Variants in MAP1B observed in about 807,000 individuals in gnomAD.
MAP1B encodes microtubule-associated protein 1B.
MAP1B carries 12 observed loss-of-function variants against 176.1 expected under a neutral mutation model. The ratio of observed to expected loss-of-function variants is 0.07; its 90% CI spans 0.04 to 0.11. The LOEUF is 0.11. Ranked by LOEUF, MAP1B falls within the 10% of genes least tolerant of loss-of-function variation. The pLI, the probability that MAP1B is intolerant of heterozygous loss-of-function variation, is 1.00. For synonymous variants in MAP1B, 1,044 were observed against 1,135.0 expected, an observed-to-expected ratio of 0.92 and a Z score of 1.61; for missense variants, 2,523 against 2,990.5, an observed-to-expected ratio of 0.84 and a Z score of 3.65.
chr5:72,156,423 G>C (rs4301216), intron 2 of MAP1B, among the ~76,000 whole-genome samples: 1 of 152,146 alleles, frequency 6.6e-6, no homozygotes, highest in Non-Finnish European at 1.5e-5. Context: ...CTCTTAAAAC[G>C]TAAACAAAAA....
rs367935916 is a variant in MAP1B at position 72,124,444 on chromosome 5, C to A, written c.286+8645C>A. ...ATGCTTATAGAAAATGCAACAAGAG[C>A]GTCTACATGTGATTTAAAAATAAAA... is the stretch of plus-strand genomic sequence containing the variant. On this transcript the variant is annotated intron_variant, in intron 2 of 6. Coordinates refer to ENST00000296755, the MANE Select transcript of MAP1B (RefSeq NM_005909.5). 3.3e-5 allele frequency among the ~76,000 whole-genome samples: 5 copies of A among 152,220 alleles called. No individual in the cohort carries two copies. In the East Asian group the frequency reaches 9.6e-4, roughly 29 times the overall value.
At chr5:72,146,200 C>A (rs938328596) in intron 2 of MAP1B, among the ~76,000 whole-genome samples, 2 of 152,194 alleles carry the variant, frequency 1.3e-5, no homozygotes, top group Non-Finnish European at 2.9e-5. Flanking sequence ...CAGCATGACA[C>A]CAGAACCAAA....
chr5:72,173,079 G>A (rs192382048), intron 2 of MAP1B, among the ~76,000 whole-genome samples: 4 of 152,286 alleles, frequency 2.6e-5, no homozygotes, highest in East Asian at 1.9e-4. Context: ...GCCCTGTGCC[G>A]CCTTTGCCTC....
chr5:72,199,678 A>G lies in MAP1B; in HGVS notation c.6323A>G (p.Glu2108Gly). 2 of 1,614,130 alleles carry G rather than the reference A, an allele frequency of 1.2e-6. No homozygotes were observed. The highest frequency in any genetic ancestry group is 1.7e-6 in the Non-Finnish European group (2 of 1,180,030). ...TCTTTCATTAATCCCAATCCTCTTG[A>G]GTGGTTTGCCAGTGAAGAACCCACT... ...SPSFINPNPL[E>G]WFASEEPTEE... Residue 2108 changes from glutamate to glycine, a missense_variant, in exon 5 of 7, where the codon GAG becomes GGG. Physicochemically the swap from Glu to Gly is moderately conservative, Grantham distance 98. This residue lies in a region of MAP1B where 1,925 missense variants were observed against 2,126.0 expected (regional missense o/e 0.91). Coordinates refer to ENST00000296755, the MANE Select transcript of MAP1B (RefSeq NM_005909.5). This position sits in a 1 kb window ranked among gnomAD's most constrained non-coding sequence, Gnocchi z 4.2.
intron 2 of MAP1B, among the ~76,000 whole-genome samples, chr5:72,127,383 G>C (rs1021965342): frequency 2.0e-5 from 3 of 152,166 alleles, no homozygotes; most frequent in African/African-American, 7.2e-5. Context: ...AAGGAAAAGT[G>C]ATTTTTGTGG....
Position 72,196,119 on chromosome 5 carries a change from G to A in MAP1B, c.2764G>A (p.Asp922Asn), listed in dbSNP as rs773432814. ...LEPVEKQGVD[D>N]IEKFEDEGAG... ...GCCCGTCGAGAAGCAGGGAGTAGAC[G>A]ACATTGAAAAATTTGAAGATGAAGG... Residue 922 changes from aspartate (D) to asparagine (N), a missense_variant, in exon 5 of 7, where the codon GAC becomes AAC. Physicochemically the swap from Asp to Asn is conservative, Grantham distance 23. Around this residue, in one of 4 missense-constraint regions of MAP1B, gnomAD observed 1,925 missense variants for 2,126.0 expected, o/e 0.91. Coordinates refer to ENST00000296755, the MANE Select transcript of MAP1B (RefSeq NM_005909.5). The surrounding 1 kb of genome is among the most constrained non-coding windows in gnomAD (Gnocchi z 5.3). 42 of 1,613,690 alleles carry A rather than the reference G, an allele frequency of 2.6e-5. No individual in the cohort carries two copies. The South Asian group carries it at 3.3e-4, about 13-fold the overall frequency.
At chr5:72,173,508 T>A (rs1385518145) in intron 2 of MAP1B, among the ~76,000 whole-genome samples, 1 of 152,220 alleles carries the variant, frequency 6.6e-6, no homozygotes, top group Non-Finnish European at 1.5e-5. Flanking sequence ...GTCTGAAACC[T>A]ACTCTAGTCT....
chr5:72,110,645 A>G (rs1295809454), intron 1 of MAP1B, among the ~76,000 whole-genome samples: 3 of 152,116 alleles, frequency 2.0e-5, no homozygotes, highest in Non-Finnish European at 4.4e-5. Flanking sequence ...GAGCTGCTCC[A>G]GGGGGGCCAG....
At chr5:72,141,057 G>A (rs1018930065) in intron 2 of MAP1B, among the ~76,000 whole-genome samples, 1 of 152,120 alleles carries the variant, frequency 6.6e-6, no homozygotes, top group African/African-American at 2.4e-5. Flanking sequence ...GCTTTTTTTG[G>A]TGTCTGTGTC....
intron 4 of MAP1B, among the ~76,000 whole-genome samples, chr5:72,191,918 A>C (rs1468718581): frequency 1.3e-5 from 2 of 152,168 alleles, no homozygotes; most frequent in Non-Finnish European, 2.9e-5. Flanking sequence ...GATATTCCTT[A>C]AGTCTTTCTA....
chr5:72,180,269 C>T (rs190451494), intron 2 of MAP1B, among the ~76,000 whole-genome samples: 30 of 152,302 alleles, frequency 2.0e-4, no homozygotes, highest in African/African-American at 5.8e-4. Context: ...CAGTCATACC[C>T]GGACACTGCA....
In MAP1B at chr5:72,196,612, A is replaced by T. The variant is rs1747176903; in HGVS notation, c.3257A>T (p.His1086Leu). 3 of 1,613,942 alleles carry T rather than the reference A, an allele frequency of 1.9e-6. No homozygotes were observed. The highest frequency in any genetic ancestry group is 3.3e-5 in the Admixed American group (2 of 60,002). ...GGCCGAGAACCTGCATCTTCAATTCATGATGAGACTTTACCTGGAGGCTCA... is the reference window on the plus strand; with the variant it reads ...GGCCGAGAACCTGCATCTTCAATTCTTGATGAGACTTTACCTGGAGGCTCA... ...SPGREPASSI[H>L]DETLPGGSES... is the part of the protein sequence containing the mutation. The change falls in exon 5 of 7, where the codon CAT becomes CTT. Residue 1086 changes from histidine to leucine, a missense_variant. Coordinates refer to ENST00000296755, the MANE Select transcript of MAP1B (RefSeq NM_005909.5). This position sits in a 1 kb window ranked among gnomAD's most constrained non-coding sequence, Gnocchi z 5.3.
At chr5:72,141,177 C>A (rs2112153749) in intron 2 of MAP1B, among the ~76,000 whole-genome samples, 1 of 152,318 alleles carries the variant, frequency 6.6e-6, no homozygotes, top group East Asian at 1.9e-4. Context: ...CTTTACTCCT[C>A]TCCTGCCCTC....
intron 2 of MAP1B, among the ~76,000 whole-genome samples, chr5:72,177,073 C>A (rs767553283): frequency 2.0e-5 from 3 of 152,318 alleles, no homozygotes; most frequent in African/African-American, 7.2e-5. Context: ...ACCAAGTCTC[C>A]TACCACCTTT....
At position 72,197,946 on chromosome 5, in the gene MAP1B, G is replaced by T. The variant is rs1210151612; in HGVS notation, c.4591G>T (p.Ala1531Ser). The change falls in exon 5 of 7, where the codon GCT becomes TCT. Residue 1531 changes from alanine to serine, a missense_variant. By Grantham distance (99) the Ala-to-Ser change is moderately conservative. Transcript: ENST00000296755. ...ISEGTVSDKSATPVDEGVAED... is the reference protein window; with the variant it reads ...ISEGTVSDKSSTPVDEGVAED... ...TGAAGGTACTGTCTCAGACAAGTCAGCTACTCCTGTTGATGAGGGCGTAGC... is the reference window on the plus strand; with the variant it reads ...TGAAGGTACTGTCTCAGACAAGTCATCTACTCCTGTTGATGAGGGCGTAGC... 1 of 1,614,224 alleles carries T rather than the reference G, an allele frequency of 6.2e-7. No homozygotes were observed. Among genetic ancestry groups the T allele is most frequent in the Non-Finnish European group, 8.5e-7 (1 of 1,180,052 alleles).
chr5:72,146,442 C>T (rs1426700595), intron 2 of MAP1B, among the ~76,000 whole-genome samples: 1 of 152,188 alleles, frequency 6.6e-6, no homozygotes, highest in Non-Finnish European at 1.5e-5. Context: ...CTGCGTTGAT[C>T]TTCATGAGGG....
Position 72,203,568 on chromosome 5 carries a change from G to A in MAP1B, c.7018G>A (p.Gly2340Arg). 6.2e-7 allele frequency: 1 copy of A among 1,613,218 alleles called. No individual in the cohort carries two copies. Among genetic ancestry groups the A allele is most frequent in the Non-Finnish European group, 8.5e-7 (1 of 1,179,176 alleles). ...TCTTTGTTTATTTACCCAAGGACCAGGAACTACCAAGACGACCAAGTCATC... is the reference window on the plus strand; with the variant it reads ...TCTTTGTTTATTTACCCAAGGACCAAGAACTACCAAGACGACCAAGTCATC... ...KSAKTATAGP[G>R]TTKTTKSSAV... Residue 2340 changes from glycine to arginine, a missense_variant, in exon 6 of 7, where the codon GGA becomes AGA. Gly to Arg is a moderately radical substitution (Grantham distance 125). Transcript: ENST00000296755.
rs182152736 is a variant in MAP1B, at chr5:72,171,736, A to G, written c.287-12007A>G. ...AACTAAGGATAAAGAACAGGAAAGT[A>G]GAATCAGGACTGTGCCCCTGGTGTG... On this transcript the variant is annotated intron_variant, in intron 2 of 6. Transcript: ENST00000296755. 2.1e-3 allele frequency among the ~76,000 whole-genome samples: 315 copies of G among 152,342 alleles called. 2 individuals are homozygous for G. The highest frequency in any genetic ancestry group is 6.7e-3 in the African/African-American group (277 of 41,588).
intron 2 of MAP1B, among the ~76,000 whole-genome samples, chr5:72,120,096 G>A (rs981676942): frequency 8.5e-5 from 13 of 152,272 alleles, no homozygotes; most frequent in Non-Finnish European, 1.0e-4. Flanking sequence ...ATTATCTGTC[G>A]TAGACAGACA....
Sources: gnomAD v4.1 joint callset for allele counts (sites outside exome capture counted in the v4.1 genomes callset) on GRCh38, gnomAD v4.1.1 for gene constraint, gnomAD v4.1.1 regional missense constraint, Gnocchi (gnomAD v3.1) non-coding constraint, MANE v1.5 for transcripts, NCBI Gene and HGNC (gene_info 2026-07-23, HGNC 2026-07-21) for gene names.